Variants in STS observed in about 807,000 individuals in gnomAD.
STS encodes the protein steroid sulfatase.
A neutral mutation model predicts 26.8 loss-of-function variants in STS; 7 were observed. The ratio of observed to expected loss-of-function variants is 0.26; its 90% CI spans 0.15 to 0.49. STS has a LOEUF of 0.49. Ranked by LOEUF, STS falls within the 20% of genes least tolerant of loss-of-function variation. The probability of loss-of-function intolerance (pLI) is 0.98; values close to 1 mark genes in which losing one functional copy is unlikely to be tolerated. For missense variants in STS, 434 were observed against 465.6 expected (o/e 0.93, Z 0.63); for synonymous variants, 199 against 189.4 (o/e 1.05, Z -0.42).
intron 7 of STS, among the ~76,000 whole-genome samples, chrX:7,296,490 C>T (rs938712257): frequency 1.8e-5 from 2 of 111,980 alleles, no homozygotes; most frequent in Non-Finnish European, 3.8e-5. Context: ...ATTGTGATGT[C>T]GATAACCCTA....
rs549123416 is a variant in STS, at chrX:7,198,723, C to A, written c.-5+7715C>A. Among the ~76,000 whole-genome samples the A allele has an allele frequency of 7.1e-5, 8 of 112,515 alleles. No homozygotes were observed. The South Asian group carries it at 2.6e-3, about 36-fold the overall frequency. On this transcript the variant is annotated intron_variant, in intron 2 of 10. Transcript: ENST00000674429. ...GGTTAGGTCACATCTCTTTCACTGT[C>A]GTAATTTTCTCACTGCTTTTGCAAA...
At chrX:7,276,657 G>C (rs1924553151) in intron 7 of STS, among the ~76,000 whole-genome samples, 1 of 111,820 alleles carries the variant, frequency 8.9e-6, no homozygotes, top group South Asian at 3.7e-4. Context: ...GTCATTAGCA[G>C]TTAAATGTGT....
chrX:7,331,752 A>C (rs1238030222), intron 9 of STS, among the ~76,000 whole-genome samples: 2 of 110,985 alleles, frequency 1.8e-5, no homozygotes, highest in Non-Finnish European at 3.8e-5. Context: ...CAACAGGGTC[A>C]CTTTCCATTT....
Position 7,162,882 on chromosome X carries a change from T to TAA in STS, c.-134+14823_-134+14824dup, listed in dbSNP as rs758518020. Among the ~76,000 whole-genome samples, 426 of 49,740 alleles carry TAA rather than the reference T, an allele frequency of 8.6e-3. 2 individuals carry two copies. The highest frequency in any genetic ancestry group is 0.015 in the South Asian group (12 of 802). The allele number at this position is 49,740 out of a possible 115,157, so 43.2% of individuals were successfully genotyped here. On this transcript the variant is annotated intron_variant, in intron 1 of 10. Transcript: ENST00000674429. ...CAGCATGGTGAAACCCCGTCTATAC[T>TAA]AAAAAAAAAAAAAAAAAAAAAAAAA...
intron 7 of STS, among the ~76,000 whole-genome samples, chrX:7,276,401 G>T (rs887072831): frequency 2.7e-5 from 3 of 110,759 alleles, no homozygotes; most frequent in Non-Finnish European, 5.7e-5. Context: ...AACCCAGGAG[G>T]TTGAGGCTGC....
chrX:7,214,093 A>G lies in STS; in HGVS notation c.-5+23085A>G, dbSNP rs181274073. ...ACAGAGCAAGACCCTGTCTGAAAAC[A>G]TAAAAATATAAAAGATTGTATTAAT... On this transcript the variant is annotated intron_variant, in intron 2 of 10. Coordinates refer to ENST00000674429, the MANE Select transcript of STS (RefSeq NM_001320752.2). Among the ~76,000 whole-genome samples, 402 of 111,751 alleles carry G rather than the reference A, an allele frequency of 3.6e-3. 2 individuals are homozygous for G. Among genetic ancestry groups the G allele is most frequent in the African/African-American group, 0.013 (390 of 30,776 alleles).
chrX:7,324,687 G>A (rs1275602061), intron 8 of STS, among the ~76,000 whole-genome samples: 1 of 111,405 alleles, frequency 9.0e-6, no homozygotes, highest in African/African-American at 3.3e-5. Context: ...GTAAAATGAG[G>A]CATGTCCAAT....
At chrX:7,223,404 C>G (rs1312473898) in intron 2 of STS, among the ~76,000 whole-genome samples, 2 of 112,339 alleles carry the variant, frequency 1.8e-5, no homozygotes, top group African/African-American at 6.5e-5. Flanking sequence ...TTCTTGACAA[C>G]ATCTGTTGTT....
chrX:7,174,277 A>G (rs1181126171), intron 1 of STS, among the ~76,000 whole-genome samples: 1 of 111,536 alleles, frequency 9.0e-6, no homozygotes, highest in Non-Finnish European at 1.9e-5. Context: ...AAGAAGACCA[A>G]AATCCCAAAG....
At position 7,350,953 on chromosome X, in the gene STS, A is replaced by T. The variant is rs1928770933; in HGVS notation, c.*692A>T. Reference sequence around the variant, plus strand: ...TCCTCAAAAGGGTTAAGATGTCTAAAATAGGGACCTAGAAGCTTAACACTA... The same window carrying T: ...TCCTCAAAAGGGTTAAGATGTCTAATATAGGGACCTAGAAGCTTAACACTA... On this transcript the variant is annotated 3_prime_UTR_variant, in exon 11 of 11. Transcript: ENST00000674429. 1 of 112,453 alleles carries T rather than the reference A, an allele frequency of 8.9e-6. No individual in the cohort carries two copies. The highest frequency in any genetic ancestry group is 9.4e-5 in the Admixed American group (1 of 10,622). The allele number at this position is 112,453 out of a possible 1,213,427, so 9.3% of individuals were successfully genotyped here. A position where few individuals can be genotyped will look rare whatever the true frequency, so the allele number is the denominator to read the frequency against.
intron 7 of STS, among the ~76,000 whole-genome samples, chrX:7,288,649 TGTG>T (rs1925262472): frequency 2.0e-5 from 2 of 97,856 alleles, no homozygotes; most frequent in Non-Finnish European, 3.9e-5. Context: ...CGTGTGTGTG[TGTG>T]TGTGTGTGTG....
intron 9 of STS, among the ~76,000 whole-genome samples, chrX:7,330,026 T>C (rs1300348189): frequency 2.7e-5 from 3 of 111,726 alleles, no homozygotes; most frequent in Non-Finnish European, 5.6e-5. Flanking sequence ...TTTTCCTTCA[T>C]ATGCACGTTA....
At chrX:7,277,830 C>T (rs1453447357) in intron 7 of STS, among the ~76,000 whole-genome samples, 2 of 112,167 alleles carry the variant, frequency 1.8e-5, no homozygotes, top group Admixed American at 1.9e-4. Flanking sequence ...AAATGTTGCA[C>T]ATAAATCAAT....
At chrX:7,283,729 T>G (rs1041744951) in intron 7 of STS, among the ~76,000 whole-genome samples, 1 of 110,803 alleles carries the variant, frequency 9.0e-6, no homozygotes, top group South Asian at 3.8e-4. Flanking sequence ...GGAATTTGAG[T>G]GATTAGCAAC....
intron 2 of STS, among the ~76,000 whole-genome samples, chrX:7,229,503 T>C (rs1921963339): frequency 2.7e-5 from 3 of 111,035 alleles, no homozygotes; most frequent in Admixed American, 1.9e-4. Flanking sequence ...CAGGGACAGG[T>C]GTGTGGCTGC....
chrX:7,260,826 A>C (rs769473464), intron 6 of STS, among the ~76,000 whole-genome samples: 1 of 111,644 alleles, frequency 9.0e-6, no homozygotes, highest in Non-Finnish European at 1.9e-5. Flanking sequence ...AATATTTTGG[A>C]TTAATCTCTG....
Position 7,167,623 on chromosome X carries a change from G to A in STS, c.-134+19540G>A, listed in dbSNP as rs1601625082. Among the ~76,000 whole-genome samples, 4 of 112,087 alleles carry A rather than the reference G, an allele frequency of 3.6e-5. No individual in the cohort carries two copies. In the South Asian group the frequency reaches 1.5e-3, roughly 42 times the overall value. On this transcript the variant is annotated intron_variant, in intron 1 of 10. Transcript: ENST00000674429. ...ACAACAGAGCTGTCTATTTTACCAA[G>A]GCCAGCAGGAGAAGGCCTCTTGTGC...
At chrX:7,217,746 A>G (rs1921368917) in intron 2 of STS, among the ~76,000 whole-genome samples, 1 of 111,459 alleles carries the variant, frequency 9.0e-6, no homozygotes, top group Admixed American at 9.5e-5. Context: ...CCGCTGCTTC[A>G]CCAGGCTAGA....
chrX:7,309,170 A>G (rs1012631621), intron 8 of STS, among the ~76,000 whole-genome samples: 2 of 111,749 alleles, frequency 1.8e-5, no homozygotes, highest in Non-Finnish European at 3.8e-5. Context: ...GAGTGGATAA[A>G]GAAAATGTGG....
Sources: gnomAD v4.1 joint callset for allele counts (sites outside exome capture counted in the v4.1 genomes callset) on GRCh38, gnomAD v4.1.1 for gene constraint, MANE v1.5 for transcripts, NCBI Gene and HGNC (gene_info 2026-07-23, HGNC 2026-07-21) for gene names.